BCKDHB: variants seen among roughly 807,000 people sequenced by gnomAD.
BCKDHB encodes 2-oxoisovalerate dehydrogenase subunit beta, mitochondrial.
BCKDHB carries 41 observed loss-of-function variants against 48.5 expected under a neutral mutation model. That is an observed-to-expected ratio of 0.85 (90% CI 0.66 to 1.10). The LOEUF is 1.10. Ranked by LOEUF, BCKDHB falls within the 50% of genes least tolerant of loss-of-function variation. The pLI is 0.00. For missense variants in BCKDHB, 496 were observed against 494.2 expected (o/e 1.00, Z -0.03); for synonymous variants, 201 against 174.8 (o/e 1.15, Z -1.18).
At chr6:80,279,247 G>T (rs980279331) in intron 9 of BCKDHB, among the ~76,000 whole-genome samples, 1 of 151,754 alleles carries the variant, frequency 6.6e-6, no homozygotes, top group Non-Finnish European at 1.5e-5. Context: ...TCTGCCTCCC[G>T]GGTTCAAGTG....
At chr6:80,141,359 C>A (rs1771203029) in intron 3 of BCKDHB, among the ~76,000 whole-genome samples, 1 of 152,012 alleles carries the variant, frequency 6.6e-6, no homozygotes, top group African/African-American at 2.4e-5. Context: ...CGATCAGAAA[C>A]CTATATTAAA....
At position 80,169,912 on chromosome 6, in the gene BCKDHB, A is replaced by T. The variant is rs1772818436; in HGVS notation, c.633+882A>T. ...AAAGAAGCCATGTGCGAGGCAAGTT[A>T]TTTTTGTGCTTGAGCTAAACATTAA... is the stretch of plus-strand genomic sequence containing the variant. On this transcript the variant is annotated intron_variant, in intron 5 of 9. Transcript: ENST00000320393. 8 of 1,547,370 alleles carry T rather than the reference A, an allele frequency of 5.2e-6. No homozygotes were observed. The South Asian group carries it at 8.9e-5, about 17-fold the overall frequency.
the BCKDHB span, among the ~76,000 whole-genome samples, chr6:80,447,472 T>C: frequency 1.3e-5 from 2 of 149,528 alleles, no homozygotes; most frequent in Admixed American, 1.3e-4. Flanking sequence ...TATACATATA[T>C]ACAGTTTATA....
chr6:80,394,965 C>CTGCTGCCTTGTGAAGGAGGACGTG, the BCKDHB span, among the ~76,000 whole-genome samples: 1 of 152,188 alleles, frequency 6.6e-6, no homozygotes, highest in Non-Finnish European at 1.5e-5. Flanking sequence ...CATATCTCTC[C>CTGCTGCCTTGTGAAGGAGGACGTG]TGCTGCCTTG....
the BCKDHB span, among the ~76,000 whole-genome samples, chr6:80,439,056 G>A: frequency 3.3e-5 from 5 of 152,246 alleles, no homozygotes; most frequent in South Asian, 2.1e-4. Context: ...AATGAAGCTG[G>A]ACCCCTGCCA....
At chr6:80,116,247 A>G (rs1487020823) in intron 1 of BCKDHB, among the ~76,000 whole-genome samples, 2 of 152,192 alleles carry the variant, frequency 1.3e-5, no homozygotes, top group African/African-American at 2.4e-5. Context: ...TGTTGATGCA[A>G]TAACACCTCT....
intron 3 of BCKDHB, among the ~76,000 whole-genome samples, chr6:80,149,916 C>T (rs903467496): frequency 1.3e-5 from 2 of 151,696 alleles, no homozygotes; most frequent in Admixed American, 1.3e-4. Flanking sequence ...CAGCATGGCA[C>T]ATATATACAT....
intron 1 of BCKDHB, among the ~76,000 whole-genome samples, chr6:80,120,413 TC>T (rs1769944025): frequency 6.6e-6 from 1 of 152,186 alleles, no homozygotes; most frequent in Non-Finnish European, 1.5e-5. Flanking sequence ...TAATTCTAGT[TC>T]TAGATCCTTG....
the BCKDHB span, among the ~76,000 whole-genome samples, chr6:80,435,497 C>A: frequency 6.6e-6 from 1 of 152,064 alleles, no homozygotes; most frequent in African/African-American, 2.4e-5. Context: ...GTGCAACATT[C>A]TAGTCTTAGT....
chr6:80,198,339 A>G (rs1774227992), intron 6 of BCKDHB, among the ~76,000 whole-genome samples: 1 of 152,346 alleles, frequency 6.6e-6, no homozygotes, highest in African/African-American at 2.4e-5. Context: ...AAAGAAGTGT[A>G]TGAATGCTTA....
intron 1 of BCKDHB, among the ~76,000 whole-genome samples, chr6:80,120,475 C>G (rs1355059342): frequency 6.6e-6 from 1 of 152,140 alleles, no homozygotes; most frequent in Non-Finnish European, 1.5e-5. Context: ...TACACTCCCA[C>G]CAAGAGTGTA....
intron 8 of BCKDHB, among the ~76,000 whole-genome samples, chr6:80,262,780 A>C (rs1777358628): frequency 6.6e-6 from 1 of 152,146 alleles, no homozygotes; most frequent in African/African-American, 2.4e-5. Flanking sequence ...TTTTATGATG[A>C]GGTGAGCCAA....
At chr6:80,447,984 A>G in the BCKDHB span, among the ~76,000 whole-genome samples, 7 of 152,346 alleles carry the variant, frequency 4.6e-5, no homozygotes, top group South Asian at 1.2e-3. Context: ...GTAAAAATAA[A>G]TAAACATAGA....
At chr6:80,401,581 C>A in the BCKDHB span, among the ~76,000 whole-genome samples, 1 of 151,654 alleles carries the variant, frequency 6.6e-6, no homozygotes, top group South Asian at 2.1e-4. Context: ...AGTACTCAGT[C>A]TCAGGTAGTT....
At chr6:80,163,892 A>G (rs530101988) in intron 3 of BCKDHB, among the ~76,000 whole-genome samples, 1 of 152,324 alleles carries the variant, frequency 6.6e-6, no homozygotes, top group Non-Finnish European at 1.5e-5. Context: ...TTCATCAGCA[A>G]ATCCTTTTAG....
the BCKDHB span, among the ~76,000 whole-genome samples, chr6:80,418,585 T>G: frequency 1.3e-5 from 2 of 152,236 alleles, no homozygotes; most frequent in African/African-American, 4.8e-5. Context: ...TGCTGAACTG[T>G]GTGCTCTAAC....
At chr6:80,152,729 C>T (rs1420768192) in intron 3 of BCKDHB, among the ~76,000 whole-genome samples, 2 of 152,198 alleles carry the variant, frequency 1.3e-5, no homozygotes, top group African/African-American at 4.8e-5. Flanking sequence ...CTTATCAAAA[C>T]TAGCACTGAC....
intron 1 of BCKDHB, among the ~76,000 whole-genome samples, chr6:80,118,698 A>G (rs911619710): frequency 6.6e-6 from 1 of 152,132 alleles, no homozygotes; most frequent in African/African-American, 2.4e-5. Flanking sequence ...AAGTTTGTGT[A>G]ATATTGTAAG....
chr6:80,265,617 G>A (rs776682756), intron 8 of BCKDHB, among the ~76,000 whole-genome samples: 2 of 151,998 alleles, frequency 1.3e-5, no homozygotes, highest in African/African-American at 4.8e-5. Flanking sequence ...GACTAGAGAC[G>A]GATGGTCGTG....
Sources: gnomAD v4.1 joint callset for allele counts (sites outside exome capture counted in the v4.1 genomes callset) on GRCh38, gnomAD v4.1.1 for gene constraint, MANE v1.5 for transcripts, NCBI Gene and HGNC (gene_info 2026-07-23, HGNC 2026-07-21) for gene names.